SLC10A7: variants seen among roughly 807,000 people sequenced by gnomAD.
SLC10A7 encodes solute carrier family 10 member 7.
A neutral mutation model predicts 43.2 loss-of-function variants in SLC10A7; 29 were observed. The ratio of observed to expected loss-of-function variants is 0.67; its 90% CI spans 0.50 to 0.92. SLC10A7 has a LOEUF of 0.92. Among genes scored for constraint, SLC10A7 ranks in the 40% least tolerant of loss-of-function variants. The pLI, the probability that SLC10A7 is intolerant of heterozygous loss-of-function variation, is 0.00. For synonymous variants in SLC10A7, 152 were observed against 144.8 expected (o/e 1.05, Z -0.35); for missense variants, 295 against 403.2 (o/e 0.73, Z 2.30).
At chr4:146,383,834 C>T (rs1277235107) in intron 5 of SLC10A7, among the ~76,000 whole-genome samples, 2 of 152,080 alleles carry the variant, frequency 1.3e-5, no homozygotes, top group Non-Finnish European at 2.9e-5. Context: ...CTAATAATAG[C>T]CAATACTTAG....
chr4:146,502,306 G>A (rs1288537954), intron 4 of SLC10A7, among the ~76,000 whole-genome samples: 2 of 152,170 alleles, frequency 1.3e-5, no homozygotes, highest in African/African-American at 4.8e-5. Context: ...CTACTGGTTG[G>A]AATGTAAAAC....
chr4:146,483,445 A>ACG lies in SLC10A7; in HGVS notation c.396+20403_396+20404insCG, dbSNP rs1376570044. Among the ~76,000 whole-genome samples, 4 of 51,302 alleles carry ACG rather than the reference A, an allele frequency of 7.8e-5. No individual in the cohort carries two copies. The East Asian group carries it at 9.9e-3, about 127-fold the overall frequency. 33.7% of individuals were successfully genotyped at this position (51,302 alleles called of 152,430 possible). On this transcript the variant is annotated intron_variant, in intron 4 of 11. Coordinates refer to ENST00000335472, the MANE Select transcript of SLC10A7 (RefSeq NM_001029998.6). ...TATCTAAACCTCATAGTAACCACAC[A>ACG]CACACAAAAAAAAAACCCTACATCA...
intron 7 of SLC10A7, among the ~76,000 whole-genome samples, chr4:146,299,453 A>T (rs2111220803): frequency 6.6e-6 from 1 of 152,350 alleles, no homozygotes; most frequent in African/African-American, 2.4e-5. Flanking sequence ...CTGAAGTTTA[A>T]ACTAAATGAT....
In SLC10A7 at chr4:146,441,833, T is replaced by C. The variant is rs1730626216; in HGVS notation, c.435+950A>G. ...ACACTAAAAGCTGTGTAGCACTATGTAGAATTAACACTATGTAACAACATG... is the reference window on the plus strand; with the variant it reads ...ACACTAAAAGCTGTGTAGCACTATGCAGAATTAACACTATGTAACAACATG... On this transcript the variant is annotated intron_variant, in intron 5 of 11. Transcript: ENST00000335472. 5.1e-6 allele frequency: 5 copies of C among 985,280 alleles called. No individual in the cohort carries two copies. In the South Asian group the frequency reaches 2.3e-4, roughly 46 times the overall value. 61.0% of individuals were successfully genotyped at this position (985,280 alleles called of 1,614,324 possible).
chr4:146,486,611 T>C (rs928700072), intron 4 of SLC10A7, among the ~76,000 whole-genome samples: 1 of 152,224 alleles, frequency 6.6e-6, no homozygotes, highest in Admixed American at 6.5e-5. Flanking sequence ...GGGATATATT[T>C]GTGGCTGTTT....
intron 1 of SLC10A7, among the ~76,000 whole-genome samples, chr4:146,519,678 A>T (rs1313698075): frequency 6.6e-6 from 1 of 152,122 alleles, no homozygotes; most frequent in Admixed American, 6.5e-5. Context: ...AAAGTCAAGG[A>T]ATCTGGCTTG....
At chr4:146,429,330 A>T (rs752629377) in intron 5 of SLC10A7, among the ~76,000 whole-genome samples, 10 of 152,196 alleles carry the variant, frequency 6.6e-5, no homozygotes, top group Non-Finnish European at 1.3e-4. Flanking sequence ...GATATACAAG[A>T]TATTTTACAA....
At chr4:146,263,797 A>G (rs1179908442) in intron 10 of SLC10A7, among the ~76,000 whole-genome samples, 2 of 152,242 alleles carry the variant, frequency 1.3e-5, no homozygotes, top group African/African-American at 2.4e-5. Flanking sequence ...CTTTAATACA[A>G]TGCATTGTCT....
At chr4:146,376,015 A>G (rs2679122) in intron 5 of SLC10A7, among the ~76,000 whole-genome samples, 124,369 of 152,108 alleles carry the variant, frequency 0.82, 51,566 homozygotes, top group African/African-American at 0.94. Context: ...ACAGAACCCA[A>G]GGAAACACTT....
intron 4 of SLC10A7, among the ~76,000 whole-genome samples, chr4:146,493,452 C>T (rs558217642): frequency 1.7e-4 from 26 of 151,462 alleles, no homozygotes; most frequent in African/African-American, 5.6e-4. Flanking sequence ...CGCCATTGCA[C>T]TCCAGCCTGG....
intron 10 of SLC10A7, 150 bp from the exon 11 acceptor site, chr4:146,258,987 G>T (rs916224621): frequency 2.4e-6 from 2 of 844,898 alleles, no homozygotes; most frequent in African/African-American, 3.6e-5. Flanking sequence ...GTCTGAAATG[G>T]GTCACCAAAA....
intron 1 of SLC10A7, among the ~76,000 whole-genome samples, chr4:146,520,440 CAGA>C (rs1218929030): frequency 3.3e-5 from 5 of 152,192 alleles, no homozygotes; most frequent in Admixed American, 2.6e-4. Context: ...AAGTTGAATA[CAGA>C]AGAACAAAAT....
chr4:146,305,482 A>C (rs1464704395), intron 7 of SLC10A7, among the ~76,000 whole-genome samples: 1 of 150,664 alleles, frequency 6.6e-6, no homozygotes, highest in Non-Finnish European at 1.5e-5. Context: ...CTAGATGACA[A>C]GTTAGTGGGT....
intron 4 of SLC10A7, among the ~76,000 whole-genome samples, chr4:146,458,336 A>G (rs1380926526): frequency 2.6e-5 from 4 of 151,744 alleles, no homozygotes; most frequent in Non-Finnish European, 5.9e-5. Context: ...TGCCTCATAT[A>G]AAAAACCAAA....
In SLC10A7 at chr4:146,425,299, A is replaced by C. The variant is rs149603907; in HGVS notation, c.435+17484T>G. Among the ~76,000 whole-genome samples the C allele has an allele frequency of 5.1e-4, 78 of 152,368 alleles. 1 individual carries two copies. In the East Asian group the frequency reaches 0.014, roughly 28 times the overall value. ...AATATAGTTTATAATTAAACGGATT[A>C]AATATATAATTGCAAAATAGTTTGT... is the stretch of plus-strand genomic sequence containing the variant. On this transcript the variant is annotated intron_variant, in intron 5 of 11. Transcript: ENST00000335472.
chr4:146,427,219 C>T (rs564794761), intron 5 of SLC10A7, among the ~76,000 whole-genome samples: 233 of 152,232 alleles, frequency 1.5e-3, no homozygotes, highest in African/African-American at 5.2e-3. Flanking sequence ...CCTGTGGTTC[C>T]AGCTACTCAG....
At position 146,521,742 on chromosome 4, in the gene SLC10A7, T is replaced by C. The variant is rs1738709135; in HGVS notation, c.-25A>G. 2.5e-6 allele frequency: 4 copies of C among 1,595,550 alleles called. No homozygotes were observed. Among genetic ancestry groups the C allele is most frequent in the Non-Finnish European group, 3.4e-6 (4 of 1,163,960 alleles). The stretch of plus-strand genomic sequence containing the variant: ...TATTTGTTAGGGTGGGTGGGTTTTG[T>C]TTATTTGTTTGGCTTTTTTTCTTTT... On this transcript the variant is annotated 5_prime_UTR_variant, in exon 1 of 12. Coordinates refer to ENST00000335472, the MANE Select transcript of SLC10A7 (RefSeq NM_001029998.6).
chr4:146,436,898 G>A (rs1169972861), intron 5 of SLC10A7, among the ~76,000 whole-genome samples: 1 of 152,038 alleles, frequency 6.6e-6, no homozygotes, highest in Non-Finnish European at 1.5e-5. Context: ...TAGTGTTGAT[G>A]TAAAGTTTTG....
At chr4:146,412,563 T>G in intron 5 of SLC10A7, among the ~76,000 whole-genome samples, 1 of 152,170 alleles carries the variant, frequency 6.6e-6, no homozygotes, top group East Asian at 1.9e-4. Context: ...CATCAGCCAA[T>G]TTTTGACTTC....
Sources: allele counts gnomAD v4.1 joint callset (sites outside exome capture counted in the v4.1 genomes callset), GRCh38; gene constraint gnomAD v4.1.1; transcripts MANE v1.5; gene names NCBI Gene and HGNC (gene_info 2026-07-23, HGNC 2026-07-21).